LIPC: variants seen among roughly 807,000 people sequenced by gnomAD.
LIPC encodes the protein hepatic triacylglycerol lipase.
A neutral mutation model predicts 50.7 loss-of-function variants in LIPC; 44 were observed. The observed-to-expected ratio is 0.87, with a 90% CI of 0.68 to 1.11. The LOEUF (loss-of-function observed/expected upper bound fraction) is 1.11. Among genes scored for constraint, LIPC ranks in the 50% most tolerant of loss-of-function variants. The probability of loss-of-function intolerance (pLI) is 0.00; values close to 1 mark genes in which losing one functional copy is unlikely to be tolerated. For synonymous variants in LIPC, 271 were observed against 256.4 expected, an observed-to-expected ratio of 1.06 and a Z score of -0.54; for missense variants, 697 against 648.2, an observed-to-expected ratio of 1.08 and a Z score of -0.82.
intron 1 of LIPC, among the ~76,000 whole-genome samples, chr15:58,530,347 T>A (rs1335644167): frequency 6.6e-6 from 1 of 152,184 alleles, no homozygotes; most frequent in African/African-American, 2.4e-5. Context: ...TGGTTCAAAG[T>A]CAGTCCTGGA....
In LIPC at chr15:58,472,538, T is replaced by C. The variant is rs149561127; in HGVS notation, c.88+40418T>C. Among the ~76,000 whole-genome samples the C allele has an allele frequency of 8.5e-3, 1,200 of 141,490 alleles. 20 individuals carry two copies. The highest frequency in any genetic ancestry group is 0.031 in the African/African-American group (1,152 of 37,346). 92.8% of individuals were successfully genotyped at this position (141,490 alleles called of 152,430 possible). On this transcript the variant is annotated intron_variant, in intron 1 of 8. Coordinates refer to ENST00000299022, the MANE Select transcript of LIPC (RefSeq NM_000236.3). ...TTGCAGTGAGCCAAGATCCTGTCAC[T>C]GCACTCCAGCCTGGGCAAGAGAGTG...
rs181795211 is a variant in LIPC at position 58,494,189 on chromosome 15, G to C, written c.89-44144G>C. ...GCAAGAGAGAGAATCCCCAGAGAGAGCAAGAGGCTCCACAATGGAAGGCCT... is the reference window on the plus strand; with the variant it reads ...GCAAGAGAGAGAATCCCCAGAGAGACCAAGAGGCTCCACAATGGAAGGCCT... On this transcript the variant is annotated intron_variant, in intron 1 of 8. Transcript: ENST00000299022. 2.3e-3 allele frequency among the ~76,000 whole-genome samples: 347 copies of C among 152,356 alleles called. 1 individual carries two copies. The highest frequency in any genetic ancestry group is 7.7e-3 in the African/African-American group (321 of 41,580).
At chr15:58,482,900 G>C (rs1453931363) in intron 1 of LIPC, among the ~76,000 whole-genome samples, 1 of 152,126 alleles carries the variant, frequency 6.6e-6, no homozygotes, top group African/African-American at 2.4e-5. Context: ...GGAGTGATTC[G>C]CTTCTCATCC....
At chr15:58,515,533 C>CATATATATATATAT (rs1555403164) in intron 1 of LIPC, among the ~76,000 whole-genome samples, 3 of 141,726 alleles carry the variant, frequency 2.1e-5, no homozygotes, top group African/African-American at 8.1e-5. Flanking sequence ...TATACACACA[C>CATATATATATATAT]ATATATATAT....
chr15:58,552,498 C>T (rs1403101593), intron 6 of LIPC, among the ~76,000 whole-genome samples: 8 of 152,188 alleles, frequency 5.3e-5, no homozygotes, highest in Non-Finnish European at 1.2e-4. Context: ...ATATCTCCTC[C>T]ACTCTTCTCC....
At chr15:58,559,794 C>T (rs1325744943) in intron 6 of LIPC, among the ~76,000 whole-genome samples, 2 of 151,654 alleles carry the variant, frequency 1.3e-5, no homozygotes, top group African/African-American at 4.8e-5. Context: ...GGGGAATCCA[C>T]TGGGGAGAAT....
rs1179286400 is a variant in LIPC, at chr15:58,568,700, C to T, written c.1389-16C>T. ...CTAAAACTTAATGCTGTGTTTGCTT[C>T]CTGTTTTCTATTCAGAATGACATTT... On this transcript the variant is annotated splice_polypyrimidine_tract_variant and intron_variant, in intron 8 of 8. Coordinates refer to ENST00000299022, the MANE Select transcript of LIPC (RefSeq NM_000236.3). The T allele has an allele frequency of 1.4e-6, 2 of 1,440,160 alleles. No individual in the cohort carries two copies. The highest frequency in any genetic ancestry group is 2.0e-6 in the Non-Finnish European group (2 of 1,024,078). 89.2% of individuals were successfully genotyped at this position (1,440,160 alleles called of 1,614,324 possible).
intron 1 of LIPC, among the ~76,000 whole-genome samples, chr15:58,483,289 C>G (rs1326409322): frequency 5.3e-5 from 8 of 152,144 alleles, no homozygotes; most frequent in African/African-American, 1.9e-4. Context: ...AGAAATGACC[C>G]TTGGTAACAA....
In LIPC at chr15:58,518,446, A is replaced by G. The variant is rs529145135; in HGVS notation, c.89-19887A>G. Among the ~76,000 whole-genome samples the G allele has an allele frequency of 5.3e-5, 8 of 152,268 alleles. No homozygotes were observed. In the South Asian group the frequency reaches 1.5e-3, roughly 28 times the overall value. The stretch of plus-strand genomic sequence containing the variant: ...TGGGACCACGAAACTTGGCCGTGAG[A>G]GACAGAATTGTGCAGCACCAGGGAG... On this transcript the variant is annotated intron_variant, in intron 1 of 8. Transcript: ENST00000299022.
At chr15:58,477,631 T>G (rs2140763050) in intron 1 of LIPC, among the ~76,000 whole-genome samples, 1 of 152,284 alleles carries the variant, frequency 6.6e-6, no homozygotes, top group East Asian at 1.9e-4. Flanking sequence ...CTCTCCGGTT[T>G]TCAGCTCCAC....
chr15:58,543,046 C>T (rs368308308), intron 4 of LIPC, among the ~76,000 whole-genome samples: 187 of 152,306 alleles, frequency 1.2e-3, no homozygotes, highest in African/African-American at 4.0e-3. Flanking sequence ...TTAGTGCCTC[C>T]GTTTCCACAT....
chr15:58,541,198 G>T (rs1232963181), intron 2 of LIPC, among the ~76,000 whole-genome samples: 1 of 152,068 alleles, frequency 6.6e-6, no homozygotes, highest in African/African-American at 2.4e-5. Flanking sequence ...CTGCAAATTG[G>T]TTCTCAAACA....
chr15:58,557,552 T>C (rs1893999988), intron 6 of LIPC, among the ~76,000 whole-genome samples: 1 of 151,658 alleles, frequency 6.6e-6, no homozygotes, highest in African/African-American at 2.4e-5. Flanking sequence ...GCCCCGCTAA[T>C]TTTTTGTATT....
intron 1 of LIPC, among the ~76,000 whole-genome samples, chr15:58,484,697 C>G (rs1185922121): frequency 1.3e-5 from 1 of 76,882 alleles, no homozygotes; most frequent in South Asian, 4.9e-4. Flanking sequence ...CACTCTGACT[C>G]CAGGGCCCAC....
intron 1 of LIPC, among the ~76,000 whole-genome samples, chr15:58,486,126 C>G: frequency 6.6e-6 from 1 of 152,204 alleles, no homozygotes; most frequent in Admixed American, 6.5e-5. Context: ...CCTGCCACTC[C>G]TTGACATGGA....
In LIPC at chr15:58,545,757, G is replaced by T; in HGVS notation, c.590G>T (p.Gly197Val). 1 of 1,614,152 alleles carries T rather than the reference G, an allele frequency of 6.2e-7. No homozygotes were observed. Among genetic ancestry groups the T allele is most frequent in the Non-Finnish European group, 8.5e-7 (1 of 1,180,026 alleles). Residue 197 changes from glycine (G) to valine (V), a missense_variant, in exon 5 of 9, where the codon GGA becomes GTA. Transcript: ENST00000299022. Reference sequence around the variant, plus strand: ...TTCCCATTAGGGCTGGATGCCGCGGGACCTTTGTTTGAGGGAAGTGCCCCC... The same window carrying T: ...TTCCCATTAGGGCTGGATGCCGCGGTACCTTTGTTTGAGGGAAGTGCCCCC... ...IGRITGLDAA[G>V]PLFEGSAPSN...
At chr15:58,452,530 A>G (rs1893939548) in intron 1 of LIPC, among the ~76,000 whole-genome samples, 1 of 152,256 alleles carries the variant, frequency 6.6e-6, no homozygotes, top group South Asian at 2.1e-4. Flanking sequence ...CATCCTGGGC[A>G]GATTCCTTTA....
At chr15:58,520,134 A>G (rs1223808944) in intron 1 of LIPC, among the ~76,000 whole-genome samples, 1 of 66,594 alleles carries the variant, frequency 1.5e-5, no homozygotes, top group African/African-American at 5.8e-5. Context: ...TTTTTTTTTT[A>G]ATCTGTTAAT....
At chr15:58,455,874 G>C (rs1290897829) in intron 1 of LIPC, among the ~76,000 whole-genome samples, 4 of 152,132 alleles carry the variant, frequency 2.6e-5, no homozygotes, top group Non-Finnish European at 5.9e-5. Flanking sequence ...GCCAGTTGCT[G>C]AGTATCCACC....
Sources: allele counts gnomAD v4.1 joint callset (sites outside exome capture counted in the v4.1 genomes callset), GRCh38; gene constraint gnomAD v4.1.1; transcripts MANE v1.5; gene names NCBI Gene and HGNC (gene_info 2026-07-23, HGNC 2026-07-21).